Variants in EHD2 observed in about 807,000 individuals in gnomAD.
EHD2 encodes EH domain-containing protein 2.
EHD2 carries 27 observed loss-of-function variants against 41.0 expected under a neutral mutation model. The observed-to-expected ratio is 0.66, with a 90% CI of 0.49 to 0.91. The LOEUF (loss-of-function observed/expected upper bound fraction) is 0.91. Ranked by LOEUF, EHD2 falls within the 40% of genes least tolerant of loss-of-function variation. The pLI, the probability that EHD2 is intolerant of heterozygous loss-of-function variation, is 0.00. For missense variants in EHD2, 673 were observed against 773.9 expected (o/e 0.87, Z 1.55); for synonymous variants, 342 against 341.0 (o/e 1.00, Z -0.03).
intron 3 of EHD2, among the ~76,000 whole-genome samples, chr19:47,721,164 G>A (rs7252008): frequency 1.7e-5 from 1 of 57,160 alleles, no homozygotes; most frequent in African/African-American, 8.6e-5. Flanking sequence ...TGCTACTGGG[G>A]GTGTGTGTGT....
chr19:47,716,453 C>T (rs1973625455), intron 1 of EHD2, 105 bp from the exon 2 acceptor site: 1 of 716,980 alleles, frequency 1.4e-6, no homozygotes, highest in Non-Finnish European at 2.1e-6. Context: ...ATCTGTGCTC[C>T]TCCTCCTCCT....
chr19:47,720,309 G>A (rs149244025), intron 3 of EHD2, among the ~76,000 whole-genome samples: 4 of 152,078 alleles, frequency 2.6e-5, no homozygotes, highest in African/African-American at 4.8e-5. Context: ...GACTACAGGC[G>A]CCCGCCGCAC....
In EHD2 at chr19:47,715,682, G is replaced by A. The variant is rs1009413980; in HGVS notation, c.-55-876G>A. Among the ~76,000 whole-genome samples, 11 of 152,226 alleles carry A rather than the reference G, an allele frequency of 7.2e-5. No individual in the cohort carries two copies. In the East Asian group the frequency reaches 1.2e-3, roughly 16 times the overall value. ...CTTCCAGGCAGCTTCTGCATCCTTCGCCTTGTCCATCTCTTGGTCTTCCAC... is the reference window on the plus strand; with the variant it reads ...CTTCCAGGCAGCTTCTGCATCCTTCACCTTGTCCATCTCTTGGTCTTCCAC... On this transcript the variant is annotated intron_variant, in intron 1 of 5. Coordinates refer to ENST00000263277, the MANE Select transcript of EHD2 (RefSeq NM_014601.4).
intron 3 of EHD2, among the ~76,000 whole-genome samples, chr19:47,720,467 G>A (rs907062915): frequency 6.6e-6 from 1 of 152,076 alleles, no homozygotes; most frequent in Admixed American, 6.6e-5. Context: ...CACCATGCCC[G>A]GCCTGCTGGA....
Position 47,726,018 on chromosome 19 carries a change from A to T in EHD2, c.709A>T (p.Met237Leu), listed in dbSNP as rs748350898. 1.2e-6 allele frequency: 2 copies of T among 1,602,022 alleles called. No individual in the cohort carries two copies. Among genetic ancestry groups the T allele is most frequent in the African/African-American group, 2.7e-5 (2 of 74,676 alleles). ...GCTGATGCGCGTCTACGGCGCGCTC[A>T]TGTGGGCGCTGGGCAAGGTGGTGGG... ...QQLMRVYGAL[M>L]WALGKVVGTP... Residue 237 changes from methionine (M) to leucine (L), a missense_variant, in exon 4 of 6, where the codon ATG (methionine) becomes TTG (leucine). Physicochemically the swap from Met to Leu is conservative, Grantham distance 15. Transcript: ENST00000263277.
At chr19:47,722,436 C>T (rs558848160) in intron 3 of EHD2, among the ~76,000 whole-genome samples, 83 of 152,338 alleles carry the variant, frequency 5.4e-4, no homozygotes, top group African/African-American at 1.9e-3. Context: ...CTGCGTTGCC[C>T]GCAAGGAGGC....
intron 5 of EHD2, among the ~76,000 whole-genome samples, chr19:47,739,091 C>T (rs866213245): frequency 6.6e-6 from 1 of 151,870 alleles, no homozygotes; most frequent in East Asian, 1.9e-4. Context: ...TCTTTTTTCT[C>T]TCCCCCCCTG....
At chr19:47,728,812 C>A (rs539837254) in intron 4 of EHD2, among the ~76,000 whole-genome samples, 1 of 149,618 alleles carries the variant, frequency 6.7e-6, no homozygotes, top group Non-Finnish European at 1.5e-5. Flanking sequence ...TCAGGTGATC[C>A]GCCCGCCTTG....
At chr19:47,727,965 G>A (rs746726699) in intron 4 of EHD2, among the ~76,000 whole-genome samples, 11 of 151,784 alleles carry the variant, frequency 7.2e-5, no homozygotes, top group African/African-American at 1.4e-4. Flanking sequence ...GTGTGGTGGC[G>A]GGCACCTGTA....
Position 47,736,672 on chromosome 19 carries a change from A to G in EHD2, c.1080+139A>G, listed in dbSNP as rs553108347. 11 of 955,624 alleles carry G rather than the reference A, an allele frequency of 1.2e-5. No individual in the cohort carries two copies. In the East Asian group the frequency reaches 2.9e-4, roughly 25 times the overall value. 59.2% of individuals were successfully genotyped at this position (955,624 alleles called of 1,614,324 possible). On this transcript the variant is annotated intron_variant, in intron 5 of 5. Coordinates refer to ENST00000263277, the MANE Select transcript of EHD2 (RefSeq NM_014601.4). ...CGCCTCCCTCAAATAGTTCCGTGGGAGCATGGTTTTATGAGTCAGGCTAGG... is the reference window on the plus strand; with the variant it reads ...CGCCTCCCTCAAATAGTTCCGTGGGGGCATGGTTTTATGAGTCAGGCTAGG...
intron 5 of EHD2, among the ~76,000 whole-genome samples, chr19:47,739,541 C>T (rs1430113680): frequency 3.0e-5 from 4 of 134,198 alleles, no homozygotes; most frequent in Non-Finnish European, 6.1e-5. Context: ...ACGGAGGTTG[C>T]GGTGAGCTGA....
At chr19:47,738,263 T>C (rs1179498949) in intron 5 of EHD2, among the ~76,000 whole-genome samples, 2 of 152,146 alleles carry the variant, frequency 1.3e-5, no homozygotes, top group African/African-American at 2.4e-5. Context: ...TCCAGTATGG[T>C]AGCCACTAGC....
chr19:47,731,279 A>AAAAAAAAAAATATATAT, intron 4 of EHD2: 4 of 60,932 alleles, frequency 6.6e-5, no homozygotes, highest in African/African-American at 2.0e-4. Flanking sequence ...AAAAAAAAAA[A>AAAAAAAAAAATATATAT]ATATATATAT....
At chr19:47,720,683 G>A (rs997849235) in intron 3 of EHD2, among the ~76,000 whole-genome samples, 5 of 152,164 alleles carry the variant, frequency 3.3e-5, no homozygotes, top group Non-Finnish European at 5.9e-5. Flanking sequence ...GCCTGTGTGT[G>A]AGATGGTCTA....
chr19:47,716,473 C>G (rs948017434), intron 1 of EHD2, 85 bp from the exon 2 acceptor site: 32 of 909,226 alleles, frequency 3.5e-5, no homozygotes, highest in Non-Finnish European at 4.8e-5. Flanking sequence ...TCCACCCATC[C>G]TGTCACCCAG....
chr19:47,721,400 C>T (rs1400204445), intron 3 of EHD2, among the ~76,000 whole-genome samples: 2 of 151,836 alleles, frequency 1.3e-5, no homozygotes, highest in South Asian at 2.1e-4. Context: ...CTGCAACCTC[C>T]GCCTCCTGGG....
In EHD2 at chr19:47,741,189, C is replaced by A; in HGVS notation, c.1389C>A (p.Ala463=). The change falls in exon 6 of 6, where the codon GCC becomes GCA. Residue 463 remains alanine (A), a synonymous_variant. Transcript: ENST00000263277. The surrounding 1 kb of genome is among the most constrained non-coding windows in gnomAD (Gnocchi z 4.5). The part of the protein sequence containing the change: ...YDEIFYNLAP[A]DGKLSGSKAK... ...AGATCTTCTACAACCTGGCGCCTGC[C>A]GACGGCAAGCTGAGCGGCTCCAAGG... is the stretch of plus-strand genomic sequence containing the variant. 2.5e-6 allele frequency: 4 copies of A among 1,613,998 alleles called. No homozygotes were observed. Among genetic ancestry groups the A allele is most frequent in the Non-Finnish European group, 3.4e-6 (4 of 1,180,024 alleles).
At chr19:47,729,911 T>C (rs1973790827) in intron 4 of EHD2, among the ~76,000 whole-genome samples, 1 of 151,960 alleles carries the variant, frequency 6.6e-6, no homozygotes, top group African/African-American at 2.4e-5. Context: ...TCTAACTCCC[T>C]TTCCTTTTCT....
intron 4 of EHD2, among the ~76,000 whole-genome samples, chr19:47,733,532 T>C (rs1443401915): frequency 6.6e-6 from 1 of 150,990 alleles, no homozygotes; most frequent in Non-Finnish European, 1.5e-5. Context: ...ATTATCATGG[T>C]GGCGGGCGCC....
Sources: allele counts gnomAD v4.1 joint callset (sites outside exome capture counted in the v4.1 genomes callset), GRCh38; gene constraint gnomAD v4.1.1; non-coding constraint Gnocchi (gnomAD v3.1); transcripts MANE v1.5; gene names NCBI Gene and HGNC (gene_info 2026-07-23, HGNC 2026-07-21).